Variants in APC2 observed in about 807,000 individuals in gnomAD.
The protein encoded by APC2 is APC regulator of Wnt signaling pathway 2.
Under a neutral mutation model 72.5 loss-of-function variants are expected in APC2, and 41 were observed. The ratio of observed to expected loss-of-function variants is 0.57; its 90% CI spans 0.44 to 0.73. The LOEUF (loss-of-function observed/expected upper bound fraction) is 0.73, where lower values mean the gene tolerates loss of function less well. Among genes scored for constraint, APC2 ranks in the 30% least tolerant of loss-of-function variants. The probability of loss-of-function intolerance (pLI) is 0.00; values close to 1 mark genes in which losing one functional copy is unlikely to be tolerated. For missense variants in APC2, 3,729 were observed against 3,403.4 expected (o/e 1.10, Z -2.38); for synonymous variants, 1,898 against 1,612.0 (o/e 1.18, Z -4.25).
Position 1,469,920 on chromosome 19 carries a change from C to T in APC2, c.6619C>T (p.Pro2207Ser), listed in dbSNP as rs1328323543. 9 of 1,520,124 alleles carry T rather than the reference C, an allele frequency of 5.9e-6. No individual in the cohort carries two copies. The South Asian group carries it at 1.1e-4, about 18-fold the overall frequency. 94.2% of individuals were successfully genotyped at this position (1,520,124 alleles called of 1,614,324 possible). ...CCCCAAGACCAACTCCAGCACGTCC[C>T]CGAGCCTGGAGACCAGGGAGCCCCC... is the stretch of plus-strand genomic sequence containing the variant. ...AAPKTNSSTSPSLETREPPGA... is the reference protein window; with the variant it reads ...AAPKTNSSTSSSLETREPPGA... Residue 2207 changes from proline (P) to serine (S), a missense_variant, in exon 15 of 15, where the codon CCG becomes TCG. Physicochemically the swap from Pro to Ser is moderately conservative, Grantham distance 74. Coordinates refer to ENST00000590469, the MANE Select transcript of APC2 (RefSeq NM_005883.3).
At position 1,456,129 on chromosome 19, in the gene APC2, C is replaced by T; in HGVS notation, c.693C>T (p.Asp231=). The T allele has an allele frequency of 1.3e-6, 2 of 1,592,156 alleles. No individual in the cohort carries two copies. Among genetic ancestry groups the T allele is most frequent in the Non-Finnish European group, 8.5e-7 (1 of 1,171,714 alleles). ...ACAAGGAGCTGCTGGAGGCGCAGGA[C>T]CGAGTGCAGCAGACGGAGCCCCAGG... The part of the protein sequence containing the change: ...QIDKELLEAQ[D]RVQQTEPQAL... Residue 231 remains aspartate (D), a synonymous_variant, in exon 7 of 15, where the codon GAC becomes GAT. Coordinates refer to ENST00000590469, the MANE Select transcript of APC2 (RefSeq NM_005883.3).
In APC2 at chr19:1,465,199, A is replaced by G. The variant is rs1455129728; in HGVS notation, c.1898A>G (p.His633Arg). ...AACTGTCTGCAGACGCTGCTGCAGCATCTGACTTCGCACAGCCTGACCATC... is the reference window on the plus strand; with the variant it reads ...AACTGTCTGCAGACGCTGCTGCAGCGTCTGACTTCGCACAGCCTGACCATC... ...DHNCLQTLLQ[H>R]LTSHSLTIVS... The change falls in exon 15 of 15, where the codon CAT becomes CGT. Residue 633 changes from histidine to arginine, a missense_variant. Transcript: ENST00000590469. The G allele has an allele frequency of 6.2e-7, 1 of 1,609,154 alleles. No homozygotes were observed. The highest frequency in any genetic ancestry group is 1.1e-5 in the South Asian group (1 of 90,370).
Position 1,462,060 on chromosome 19 carries a change from G to T in APC2, c.1736G>T (p.Gly579Val), listed in dbSNP as rs760797630. The T allele has an allele frequency of 1.2e-6, 2 of 1,613,030 alleles. No individual in the cohort carries two copies. Among genetic ancestry groups the T allele is most frequent in the African/African-American group, 2.7e-5 (2 of 74,924 alleles). ...AAICQVDGAL[G>V]FLVSTLTYKC... ...ATCTGCCAGGTGGATGGCGCCCTGG[G>T]CTTCCTGGTGAGCACCCTGACCTAC... Residue 579 changes from glycine (G) to valine (V), a missense_variant, in exon 14 of 15, where the codon GGC becomes GTC. By Grantham distance (109) the Gly-to-Val change is moderately radical. Coordinates refer to ENST00000590469, the MANE Select transcript of APC2 (RefSeq NM_005883.3).
intron 13 of APC2, 50 bp downstream of exon 13, chr19:1,461,203 A>G: frequency 6.6e-7 from 1 of 1,505,220 alleles, no homozygotes; most frequent in Non-Finnish European, 9.1e-7. Context: ...CTGGAAGGAG[A>G]CTGCTGGCGG....
intron 10 of APC2, 118 bp downstream of exon 10, chr19:1,458,178 GGAGAGGGAC>G: frequency 1.1e-6 from 1 of 918,824 alleles, no homozygotes; most frequent in East Asian, 2.6e-5. Flanking sequence ...ATTGGAGCCC[GGAGAGGGAC>G]AGACTCCCTG....
In APC2 at chr19:1,469,034, G is replaced by A. The variant is rs367771812; in HGVS notation, c.5733G>A (p.Thr1911=). Reference sequence around the variant, plus strand: ...CCGGAGCCTCCCCGGTGCCCAAAACGCCGGCGCGCACCCTTCTGGCGAAGC... The same window carrying A: ...CCGGAGCCTCCCCGGTGCCCAAAACACCGGCGCGCACCCTTCTGGCGAAGC... ...PGPGASPVPK[T]PARTLLAKQH... is the part of the protein sequence containing the mutation. The change falls in exon 15 of 15, where the codon ACG becomes ACA. Residue 1911 remains threonine, a synonymous_variant. Coordinates refer to ENST00000590469, the MANE Select transcript of APC2 (RefSeq NM_005883.3). 309 of 1,543,162 alleles carry A rather than the reference G, an allele frequency of 2.0e-4. No individual in the cohort carries two copies. In the African/African-American group the frequency reaches 3.8e-3, roughly 19 times the overall value.
At position 1,457,228 on chromosome 19, in the gene APC2, G is replaced by T. The variant is rs1436172872; in HGVS notation, c.1192G>T (p.Gly398Cys). 1 of 1,534,982 alleles carries T rather than the reference G, an allele frequency of 6.5e-7. No individual in the cohort carries two copies. The highest frequency in any genetic ancestry group is 1.4e-5 in the African/African-American group (1 of 71,814). ...GGCCCGAGACGGCGGGCCCGAGGGA[G>T]GTGGCGCCGGCAGCGGTGAGTGCCT... The part of the protein sequence containing the change: ...LQARDGGPEG[G>C]GAGSAPIPIE... The change falls in exon 9 of 15, where the codon GGT becomes TGT. Residue 398 changes from glycine (G) to cysteine (C), a missense_variant. Transcript: ENST00000590469.
chr19:1,465,809 G>C lies in APC2; in HGVS notation c.2508G>C (p.Glu836Asp), dbSNP rs1279187691. Residue 836 changes from glutamate (E) to aspartate (D), a missense_variant, in exon 15 of 15, where the codon GAG becomes GAC. Physicochemically the swap from Glu to Asp is conservative, Grantham distance 45. Transcript: ENST00000590469. The stretch of plus-strand genomic sequence containing the variant: ...AGGCAGAGAAGGACACCAGTGGGGA[G>C]GCAGCCGTGGCGGCCAAGGCCAAGG... ...GKEAEKDTSGEAAVAAKAKAK... is the reference protein window; with the variant it reads ...GKEAEKDTSGDAAVAAKAKAK... The C allele has an allele frequency of 1.9e-6, 3 of 1,581,550 alleles. No homozygotes were observed. Among genetic ancestry groups the C allele is most frequent in the East Asian group, 4.6e-5 (2 of 43,912 alleles).
chr19:1,456,005 C>T, intron 6 of APC2, 71 bp from the exon 7 acceptor site: 1 of 1,432,166 alleles, frequency 7.0e-7, no homozygotes, highest in Non-Finnish European at 9.3e-7. Context: ...TGGGGTCATC[C>T]CAGGGAGAGG....
intron 6 of APC2, 25 bp from the exon 7 acceptor site, chr19:1,456,051 C>T: frequency 2.0e-6 from 3 of 1,528,486 alleles, no homozygotes; most frequent in South Asian, 1.2e-5. Flanking sequence ...AGCTCCAGCA[C>T]TTGCCCTCGT....
chr19:1,453,400 G>C, intron 3 of APC2, 31 bp from the exon 4 acceptor site: 1 of 1,609,162 alleles, frequency 6.2e-7, no homozygotes. Context: ...AGGCAGGGCC[G>C]CTGACCTCCG....
upstream of APC2, among the ~76,000 whole-genome samples, chr19:1,447,017 G>A (rs549970414): frequency 7.9e-5 from 12 of 152,296 alleles, no homozygotes; most frequent in East Asian, 2.3e-3. Flanking sequence ...GCGGGGGCCG[G>A]GGAGCTGTCC....
intron 14 of APC2, among the ~76,000 whole-genome samples, chr19:1,464,326 TTAAAA>T (rs1480091265): frequency 6.6e-6 from 1 of 151,906 alleles, no homozygotes; most frequent in African/African-American, 2.4e-5. Flanking sequence ...AAAAAAATTA[TTAAAA>T]TAAAAATGTT....
rs265277 is a variant in APC2, at chr19:1,470,022, T to G, written c.6721T>G (p.Ser2241Ala). 5.7e-3 allele frequency: 8,912 copies of G among 1,555,510 alleles called. 470 individuals carry two copies. The African/African-American group carries it at 0.11, about 19-fold the overall frequency. ...DGPSLAKAPI[S>A]APFVHEGLGV... Reference sequence around the variant, plus strand: ...TCCCAGCCTCGCCAAGGCTCCCATCTCCGCACCCTTCGTGCACGAGGGCCT... The same window carrying G: ...TCCCAGCCTCGCCAAGGCTCCCATCGCCGCACCCTTCGTGCACGAGGGCCT... The change falls in exon 15 of 15, where the codon TCC becomes GCC. Residue 2241 changes from serine to alanine, a missense_variant. Physicochemically the swap from Ser to Ala is moderately conservative, Grantham distance 99. Transcript: ENST00000590469.
chr19:1,450,045 C>T, upstream of APC2: 1 of 843,036 alleles, frequency 1.2e-6, no homozygotes, highest in Non-Finnish European at 1.4e-6. Flanking sequence ...TGGCTGTTGC[C>T]ATGGCACCAG....
Position 1,469,028 on chromosome 19 carries a change from C to A in APC2, c.5727C>A (p.Pro1909=). The change falls in exon 15 of 15, where the codon CCC becomes CCA. Residue 1909 remains proline, a synonymous_variant. Transcript: ENST00000590469. The part of the protein sequence containing the change: ...ALPGPGASPV[P]KTPARTLLAK... ...CCGGCCCCGGAGCCTCCCCGGTGCC[C>A]AAAACGCCGGCGCGCACCCTTCTGG... The A allele has an allele frequency of 6.5e-7, 1 of 1,545,924 alleles. No individual in the cohort carries two copies. Among genetic ancestry groups the A allele is most frequent in the East Asian group, 2.5e-5 (1 of 40,142 alleles).
In APC2 at chr19:1,470,052, G is replaced by A. The variant is rs1310302092; in HGVS notation, c.6751G>A (p.Val2251Ile). 6.3e-7 allele frequency: 1 copy of A among 1,580,642 alleles called. No homozygotes were observed. The highest frequency in any genetic ancestry group is 8.6e-7 in the Non-Finnish European group (1 of 1,168,322). Residue 2251 changes from valine to isoleucine, a missense_variant, in exon 15 of 15, where the codon GTC becomes ATC. Val to Ile is a conservative substitution (Grantham distance 29). Transcript: ENST00000590469. ...SAPFVHEGLG[V>I]AVGGFPASRH... ...ACCCTTCGTGCACGAGGGCCTGGGGGTCGCCGTGGGGGGCTTCCCCGCCAG... is the reference window on the plus strand; with the variant it reads ...ACCCTTCGTGCACGAGGGCCTGGGGATCGCCGTGGGGGGCTTCCCCGCCAG...
intron 10 of APC2, among the ~76,000 whole-genome samples, chr19:1,458,965 C>G (rs557330127): frequency 2.0e-5 from 3 of 152,016 alleles, no homozygotes; most frequent in Non-Finnish European, 4.4e-5. Flanking sequence ...ATTACAGGCG[C>G]GAGCCACCAC....
At chr19:1,454,709 A>T (rs986306781) in intron 4 of APC2, among the ~76,000 whole-genome samples, 3 of 151,556 alleles carry the variant, frequency 2.0e-5, no homozygotes, top group Non-Finnish European at 4.4e-5. Context: ...GACTACAGGC[A>T]CCCGCCACCA....
Sources: gnomAD v4.1 joint callset for allele counts (sites outside exome capture counted in the v4.1 genomes callset) on GRCh38, gnomAD v4.1.1 for gene constraint, MANE v1.5 for transcripts, NCBI Gene and HGNC (gene_info 2026-07-23, HGNC 2026-07-21) for gene names.